Variants in KALRN observed in about 807,000 individuals in gnomAD.
KALRN encodes kalirin.
KALRN carries 70 observed loss-of-function variants against 353.7 expected under a neutral mutation model. The observed-to-expected ratio is 0.20, with a 90% CI of 0.16 to 0.24. KALRN has a LOEUF of 0.24. KALRN is among the 10% of genes least tolerant of loss of function. The probability of loss-of-function intolerance (pLI) is 1.00; values close to 1 mark genes in which losing one functional copy is unlikely to be tolerated. For missense variants in KALRN, 2,791 were observed against 3,756.7 expected (o/e 0.74, Z 6.72); for synonymous variants, 1,391 against 1,434.8 (o/e 0.97, Z 0.69).
intron 33 of KALRN, among the ~76,000 whole-genome samples, chr3:124,529,069 A>G (rs1157673851): frequency 2.0e-5 from 3 of 148,978 alleles, no homozygotes; most frequent in African/African-American, 2.5e-5. Flanking sequence ...AAGAATCAGT[A>G]TAGTTTTATA....
At position 124,319,204 on chromosome 3, in the gene KALRN, G is replaced by A. The variant is rs182870807; in HGVS notation, c.1093-6776G>A. ...AAAATTAAAATTAAAAATACCAAAT[G>A]CCTATAATCCCAGTAGTTTGGGAGG... On this transcript the variant is annotated intron_variant, in intron 6 of 59. Coordinates refer to ENST00000682506, the MANE Select transcript of KALRN (RefSeq NM_001388419.1). 2.2e-3 allele frequency among the ~76,000 whole-genome samples: 334 copies of A among 151,956 alleles called. 1 individual carries two copies. Among genetic ancestry groups the A allele is most frequent in the Non-Finnish European group, 5.1e-4 (35 of 67,980 alleles).
intron 6 of KALRN, among the ~76,000 whole-genome samples, chr3:124,324,669 C>T (rs2079691970): frequency 6.6e-6 from 1 of 152,278 alleles, no homozygotes; most frequent in Admixed American, 6.5e-5. Context: ...TCCACAGAGA[C>T]ATTTTAAATT....
intron 33 of KALRN, among the ~76,000 whole-genome samples, chr3:124,559,100 G>T (rs1024020689): frequency 6.6e-6 from 1 of 152,258 alleles, no homozygotes; most frequent in Non-Finnish European, 1.5e-5. Context: ...GAGTTACAAA[G>T]AGTGGTTACG....
chr3:124,666,524 T>A lies in KALRN; in HGVS notation c.6421T>A (p.Ser2141Thr). The part of the protein sequence containing the change: ...YVIELDAGMQ[S>T]RTKERRVFLF... ...GATCGAGCTGGATGCAGGCATGCAG[T>A]CCCGGACCAAAGAGAGGCGCGTGTT... Residue 2141 changes from serine to threonine, a missense_variant, in exon 46 of 60, where the codon TCC becomes ACC. Physicochemically the swap from Ser to Thr is moderately conservative, Grantham distance 58. Around this residue, in one of 11 missense-constraint regions of KALRN, gnomAD observed 1,065 missense variants for 1,156.4 expected, o/e 0.92. Transcript: ENST00000682506. 1 of 1,614,002 alleles carries A rather than the reference T, an allele frequency of 6.2e-7. No homozygotes were observed. The highest frequency in any genetic ancestry group is 8.5e-7 in the Non-Finnish European group (1 of 1,179,906).
At chr3:124,631,568 A>G (rs1016685801) in intron 34 of KALRN, among the ~76,000 whole-genome samples, 1 of 152,182 alleles carries the variant, frequency 6.6e-6, no homozygotes, top group Non-Finnish European at 1.5e-5. Context: ...CCAGCAAAAC[A>G]TCTCCAGAAT....
At chr3:124,500,492 A>G (rs2064390155) in intron 33 of KALRN, among the ~76,000 whole-genome samples, 1 of 152,212 alleles carries the variant, frequency 6.6e-6, no homozygotes, top group Non-Finnish European at 1.5e-5. Context: ...AAAGAAATGC[A>G]ACCACTTTTC....
At position 124,699,860 on chromosome 3, in the gene KALRN, G is replaced by A. The variant is rs757557137; in HGVS notation, c.7832-9G>A. 1 of 1,613,972 alleles carries A rather than the reference G, an allele frequency of 6.2e-7. No individual in the cohort carries two copies. The highest frequency in any genetic ancestry group is 8.5e-7 in the Non-Finnish European group (1 of 1,179,900). Reference sequence around the variant, plus strand: ...TTCTCTTTCCCTCTCCTGGGAAACTGTACACTAGGTTCTCAGATCTGGCAG... The same window carrying A: ...TTCTCTTTCCCTCTCCTGGGAAACTATACACTAGGTTCTCAGATCTGGCAG... On this transcript the variant is annotated splice_polypyrimidine_tract_variant and intron_variant, in intron 55 of 59. Coordinates refer to ENST00000682506, the MANE Select transcript of KALRN (RefSeq NM_001388419.1).
chr3:124,630,108 A>G (rs1346943983), intron 34 of KALRN, among the ~76,000 whole-genome samples: 1 of 152,206 alleles, frequency 6.6e-6, no homozygotes, highest in African/African-American at 2.4e-5. Context: ...ACTCAAAACT[A>G]TTCTCTAAAG....
At chr3:124,639,847 C>T (rs1344237288) in intron 37 of KALRN, among the ~76,000 whole-genome samples, 3 of 152,176 alleles carry the variant, frequency 2.0e-5, no homozygotes, top group Non-Finnish European at 4.4e-5. Context: ...CATGTAAAAC[C>T]AAGCTCACGT....
At chr3:124,541,356 A>G (rs1331470522) in intron 33 of KALRN, among the ~76,000 whole-genome samples, 3 of 152,094 alleles carry the variant, frequency 2.0e-5, no homozygotes, top group Non-Finnish European at 4.4e-5. Context: ...AGGCTGAGGC[A>G]GGAGGATTGC....
intron 1 of KALRN, among the ~76,000 whole-genome samples, chr3:124,120,439 C>T (rs149633305): frequency 6.6e-6 from 1 of 152,224 alleles, no homozygotes; most frequent in Non-Finnish European, 1.5e-5. Flanking sequence ...AGAGAGAAAG[C>T]TTAGCGAGCA....
intron 6 of KALRN, among the ~76,000 whole-genome samples, chr3:124,315,435 C>T (rs1325722958): frequency 6.6e-6 from 1 of 152,178 alleles, no homozygotes; most frequent in African/African-American, 2.4e-5. Flanking sequence ...GTTTCTGACT[C>T]ATGGTTGGCA....
chr3:124,717,771 A>ATATAAATTC (rs1202416184), intron 59 of KALRN, among the ~76,000 whole-genome samples: 1 of 152,224 alleles, frequency 6.6e-6, no homozygotes, highest in Non-Finnish European at 1.5e-5. Context: ...CTCATAAGGA[A>ATATAAATTC]TATAAATTCA....
At chr3:124,673,633 A>G (rs1237941409) in intron 48 of KALRN, among the ~76,000 whole-genome samples, 1 of 152,108 alleles carries the variant, frequency 6.6e-6, no homozygotes, top group Non-Finnish European at 1.5e-5. Flanking sequence ...CATATAGAAT[A>G]TATATGTATA....
chr3:124,531,715 A>G, intron 33 of KALRN, among the ~76,000 whole-genome samples: 1 of 152,110 alleles, frequency 6.6e-6, no homozygotes, highest in East Asian at 1.9e-4. Context: ...AACAGCACAA[A>G]AGGGATGGTG....
intron 51 of KALRN, among the ~76,000 whole-genome samples, chr3:124,680,300 A>G (rs1343106161): frequency 1.3e-5 from 2 of 152,242 alleles, no homozygotes; most frequent in Non-Finnish European, 2.9e-5. Flanking sequence ...AAGAACATCC[A>G]TTCCACTTCC....
chr3:124,597,273 G>A (rs988887482), intron 34 of KALRN, among the ~76,000 whole-genome samples: 3 of 152,086 alleles, frequency 2.0e-5, no homozygotes, highest in Non-Finnish European at 2.9e-5. Flanking sequence ...TCTCTGCCCC[G>A]AGTTGGTCCC....
intron 35 of KALRN, 94 bp from the exon 36 acceptor site, chr3:124,633,758 C>A: frequency 9.8e-7 from 1 of 1,018,732 alleles, no homozygotes; most frequent in Non-Finnish European, 1.5e-6. Context: ...GAGAGAGGAA[C>A]TCTCCTCCTA....
At chr3:124,170,257 G>A (rs905328937) in intron 1 of KALRN, among the ~76,000 whole-genome samples, 8 of 152,206 alleles carry the variant, frequency 5.3e-5, no homozygotes, top group Admixed American at 2.0e-4. Context: ...TCTTCTCTGA[G>A]TGTGATGAAG....
Sources: allele counts gnomAD v4.1 joint callset (sites outside exome capture counted in the v4.1 genomes callset), GRCh38; gene constraint gnomAD v4.1.1; regional missense constraint gnomAD v4.1.1; transcripts MANE v1.5; gene names NCBI Gene and HGNC (gene_info 2026-07-23, HGNC 2026-07-21).